The following ARL15 variants were observed in gnomAD, a reference collection of about 807,000 sequenced individuals.
ARL15 encodes the protein ADP-ribosylation factor-like protein 15.
ARL15 carries 19 observed loss-of-function variants against 25.2 expected under a neutral mutation model. The ratio of observed to expected loss-of-function variants is 0.75; its 90% CI spans 0.53 to 1.10. The LOEUF (loss-of-function observed/expected upper bound fraction) is 1.10, where lower values mean the gene tolerates loss of function less well. Among genes scored for constraint, ARL15 ranks in the 50% least tolerant of loss-of-function variants. The probability of loss-of-function intolerance (pLI) is 0.00; values close to 1 mark genes in which losing one functional copy is unlikely to be tolerated. For missense variants in ARL15, 220 were observed against 246.0 expected (o/e 0.89, Z 0.71); for synonymous variants, 94 against 86.8 (o/e 1.08, Z -0.46).
chr5:54,185,798 T>G (rs1755219794), intron 1 of ARL15, among the ~76,000 whole-genome samples: 1 of 152,238 alleles, frequency 6.6e-6, no homozygotes, highest in African/African-American at 2.4e-5. Flanking sequence ...GTTACAATAG[T>G]GTTTTCCCAA....
chr5:54,201,507 T>C (rs559988927), intron 1 of ARL15, among the ~76,000 whole-genome samples: 1 of 152,178 alleles, frequency 6.6e-6, no homozygotes, highest in Non-Finnish European at 1.5e-5. Context: ...TTGATCATCC[T>C]TCTCCTCCAC....
intron 4 of ARL15, among the ~76,000 whole-genome samples, chr5:53,920,446 C>A (rs1285015578): frequency 6.6e-6 from 1 of 152,014 alleles, no homozygotes; most frequent in Non-Finnish European, 1.5e-5. Context: ...TGCACAGTCA[C>A]TGAGCAACTG....
At chr5:54,240,439 T>C (rs1756930696) in intron 1 of ARL15, among the ~76,000 whole-genome samples, 1 of 152,166 alleles carries the variant, frequency 6.6e-6, no homozygotes, top group South Asian at 2.1e-4. Flanking sequence ...AGTCCCACTG[T>C]AAGGTACATC....
chr5:54,217,643 G>A (rs1756247392), intron 1 of ARL15, among the ~76,000 whole-genome samples: 1 of 152,020 alleles, frequency 6.6e-6, no homozygotes, highest in South Asian at 2.1e-4. Context: ...AGACCTGTAG[G>A]GGTAAAAAGA....
chr5:54,157,570 C>T (rs2112357569), intron 2 of ARL15, among the ~76,000 whole-genome samples: 1 of 152,178 alleles, frequency 6.6e-6, no homozygotes, highest in East Asian at 1.9e-4. Context: ...CACCACCACG[C>T]CCAGCTAATG....
chr5:54,304,802 A>G (rs1758713113), intron 1 of ARL15, among the ~76,000 whole-genome samples: 1 of 152,224 alleles, frequency 6.6e-6, no homozygotes, highest in Admixed American at 6.5e-5. Context: ...AATACAACTT[A>G]CAATGTTCAT....
chr5:54,224,302 T>C (rs1424328035), intron 1 of ARL15, among the ~76,000 whole-genome samples: 2 of 151,810 alleles, frequency 1.3e-5, no homozygotes, highest in Non-Finnish European at 2.9e-5. Flanking sequence ...GAGACAAGGA[T>C]GACAAGGCAG....
At chr5:53,975,087 A>T (rs1400576573) in intron 4 of ARL15, among the ~76,000 whole-genome samples, 1 of 152,166 alleles carries the variant, frequency 6.6e-6, no homozygotes. Context: ...GGAAACCAAC[A>T]TCCTCTACTC....
chr5:53,909,954 T>G (rs539660658), intron 4 of ARL15, among the ~76,000 whole-genome samples: 22 of 152,338 alleles, frequency 1.4e-4, no homozygotes, highest in Middle Eastern at 3.4e-3. Context: ...AGTTGCTTTT[T>G]AACCATCATA....
In ARL15 at chr5:54,194,895, G is replaced by T. The variant is rs1178532270; in HGVS notation, c.49-22967C>A. ...TTTAGCTTTACCAACTTCCCAAGAG[G>T]ACTTCTAGTCATGCTCCTTCAAATC... On this transcript the variant is annotated intron_variant, in intron 1 of 4. Coordinates refer to ENST00000504924, the MANE Select transcript of ARL15 (RefSeq NM_019087.3). Among the ~76,000 whole-genome samples, 3 of 152,218 alleles carry T rather than the reference G, an allele frequency of 2.0e-5. No homozygotes were observed. In the East Asian group the frequency reaches 5.8e-4, roughly 29 times the overall value.
intron 1 of ARL15, among the ~76,000 whole-genome samples, chr5:54,238,256 G>T (rs771113786): frequency 3.3e-5 from 5 of 152,142 alleles, no homozygotes; most frequent in South Asian, 2.1e-4. Flanking sequence ...CAGATTCAGG[G>T]GTTGACCCTT....
At chr5:54,269,028 A>G (rs1757705995) in intron 1 of ARL15, among the ~76,000 whole-genome samples, 1 of 151,154 alleles carries the variant, frequency 6.6e-6, no homozygotes, top group Non-Finnish European at 1.5e-5. Context: ...CAATGAGAAC[A>G]CATGGACACA....
At chr5:54,028,295 C>T (rs1029829391) in intron 4 of ARL15, among the ~76,000 whole-genome samples, 3 of 152,056 alleles carry the variant, frequency 2.0e-5, no homozygotes, top group Non-Finnish European at 4.4e-5. Context: ...TAACTGCAAT[C>T]GGTCAAAAGA....
At chr5:54,207,285 A>C (rs1165034046) in intron 1 of ARL15, among the ~76,000 whole-genome samples, 1 of 152,180 alleles carries the variant, frequency 6.6e-6, no homozygotes, top group Non-Finnish European at 1.5e-5. Flanking sequence ...AAGAGGCCAA[A>C]CTGCACTTAA....
chr5:53,992,906 C>T (rs1159171189), intron 4 of ARL15, among the ~76,000 whole-genome samples: 1 of 152,060 alleles, frequency 6.6e-6, no homozygotes, highest in Non-Finnish European at 1.5e-5. Context: ...ATTAGCTGGG[C>T]GTAGTGGCGC....
chr5:54,104,385 A>G (rs1752530434), intron 4 of ARL15, among the ~76,000 whole-genome samples: 1 of 152,198 alleles, frequency 6.6e-6, no homozygotes, highest in Admixed American at 6.5e-5. Context: ...TGACTTTCAT[A>G]CATGCGCCTG....
intron 4 of ARL15, among the ~76,000 whole-genome samples, chr5:54,015,089 T>C (rs1259791631): frequency 6.6e-6 from 1 of 151,836 alleles, no homozygotes; most frequent in Non-Finnish European, 1.5e-5. Context: ...AGTCAGGAGT[T>C]CGAGACCAGC....
chr5:54,091,927 C>A (rs1231674895), intron 4 of ARL15, among the ~76,000 whole-genome samples: 1 of 152,082 alleles, frequency 6.6e-6, no homozygotes, highest in Non-Finnish European at 1.5e-5. Flanking sequence ...TCTGGGCTTG[C>A]CAGCCCTTGG....
intron 4 of ARL15, among the ~76,000 whole-genome samples, chr5:54,031,741 T>C (rs31226): frequency 0.57 from 87,209 of 151,908 alleles, 25,760 homozygotes; most frequent in East Asian, 0.86. Context: ...AAAAAATAAT[T>C]GTCCTTCACC....
Sources: allele counts gnomAD v4.1 joint callset (sites outside exome capture counted in the v4.1 genomes callset), GRCh38; gene constraint gnomAD v4.1.1; transcripts MANE v1.5; gene names NCBI Gene and HGNC (gene_info 2026-07-23, HGNC 2026-07-21).